Variants in MAST4 observed in about 807,000 individuals in gnomAD.
The protein encoded by MAST4 is microtubule-associated serine/threonine-protein kinase 4.
A neutral mutation model predicts 162.7 loss-of-function variants in MAST4; 89 were observed. The observed-to-expected ratio is 0.55, with a 90% CI of 0.46 to 0.65. MAST4 has a LOEUF of 0.65. MAST4 is among the 30% of genes least tolerant of loss of function. MAST4 has a pLI of 0.00. For missense variants in MAST4, 3,153 were observed against 3,374.0 expected (o/e 0.93, Z 1.62); for synonymous variants, 1,479 against 1,361.1 (o/e 1.09, Z -1.91).
At chr5:66,922,431 C>T (rs762649875) in intron 4 of MAST4, among the ~76,000 whole-genome samples, 1 of 152,160 alleles carries the variant, frequency 6.6e-6, no homozygotes. Flanking sequence ...CAGGTTAACT[C>T]ATGTCAAAGG....
intron 1 of MAST4, among the ~76,000 whole-genome samples, chr5:66,678,023 A>G (rs1378428738): frequency 6.6e-6 from 1 of 152,184 alleles, no homozygotes; most frequent in Non-Finnish European, 1.5e-5. Context: ...TTCTATAGGA[A>G]TTGGAAGCAT....
At chr5:66,795,458 A>G (rs1005774210) in intron 3 of MAST4, among the ~76,000 whole-genome samples, 3 of 152,220 alleles carry the variant, frequency 2.0e-5, no homozygotes, top group South Asian at 2.1e-4. Context: ...GACATTCTCC[A>G]TAGCTCTTGC....
At chr5:66,833,418 T>A (rs1223130219) in intron 3 of MAST4, among the ~76,000 whole-genome samples, 2 of 152,188 alleles carry the variant, frequency 1.3e-5, no homozygotes, top group South Asian at 2.1e-4. Flanking sequence ...ATCCTGCTTT[T>A]TAGCCCAGAG....
intron 3 of MAST4, among the ~76,000 whole-genome samples, chr5:66,807,484 CAG>C (rs1294189961): frequency 6.9e-6 from 1 of 145,506 alleles, no homozygotes; most frequent in Non-Finnish European, 1.5e-5. Flanking sequence ...GCCTGGGCGA[CAG>C]AGCGAGACTC....
At chr5:66,622,651 C>T (rs75121202) in intron 1 of MAST4, among the ~76,000 whole-genome samples, 15,485 of 152,070 alleles carry the variant, frequency 0.1, 1,040 homozygotes, top group Middle Eastern at 0.16. Flanking sequence ...AGCAAACAGG[C>T]TCAGGATGTG....
chr5:66,831,236 G>A (rs904819946), intron 3 of MAST4, among the ~76,000 whole-genome samples: 1 of 152,106 alleles, frequency 6.6e-6, no homozygotes, highest in African/African-American at 2.4e-5. Context: ...GTCTGAATTT[G>A]TCCTTAAGTT....
At chr5:66,723,567 G>C (rs909626872) in intron 1 of MAST4, among the ~76,000 whole-genome samples, 4 of 151,974 alleles carry the variant, frequency 2.6e-5, no homozygotes, top group Non-Finnish European at 4.4e-5. Context: ...TTTTATTTTT[G>C]ATCACATATC....
chr5:66,803,369 T>C (rs1756016866), intron 3 of MAST4, among the ~76,000 whole-genome samples: 1 of 152,206 alleles, frequency 6.6e-6, no homozygotes. Context: ...TGGCTGTTTT[T>C]GGCAGGTTTA....
chr5:66,618,257 G>T (rs1003968625), intron 1 of MAST4, among the ~76,000 whole-genome samples: 4 of 152,222 alleles, frequency 2.6e-5, no homozygotes, highest in Admixed American at 2.6e-4. Flanking sequence ...GTCTGAGGGT[G>T]CAGGGTAGTA....
chr5:66,875,815 C>T (rs1279349637), intron 3 of MAST4, among the ~76,000 whole-genome samples: 3 of 152,178 alleles, frequency 2.0e-5, no homozygotes, highest in Non-Finnish European at 4.4e-5. Context: ...GGCTGGAGTG[C>T]GGTAGCACAG....
intron 3 of MAST4, among the ~76,000 whole-genome samples, chr5:66,856,970 CAG>C (rs1389385409): frequency 6.6e-6 from 1 of 152,106 alleles, no homozygotes; most frequent in Non-Finnish European, 1.5e-5. Flanking sequence ...CATTTTTCTT[CAG>C]AGAGTACTCT....
intron 3 of MAST4, among the ~76,000 whole-genome samples, chr5:66,843,757 G>C (rs1375036285): frequency 6.6e-6 from 1 of 152,088 alleles, no homozygotes; most frequent in Non-Finnish European, 1.5e-5. Context: ...GTAATTTCTA[G>C]GTAGGGTCAA....
chr5:66,649,006 T>G (rs1561237115), intron 1 of MAST4, among the ~76,000 whole-genome samples: 1 of 152,176 alleles, frequency 6.6e-6, no homozygotes, highest in Non-Finnish European at 1.5e-5. Context: ...TTCAGAAGTA[T>G]AAGTAATAGG....
At chr5:66,639,804 A>G (rs1159182071) in intron 1 of MAST4, among the ~76,000 whole-genome samples, 1 of 152,122 alleles carries the variant, frequency 6.6e-6, no homozygotes, top group African/African-American at 2.4e-5. Context: ...ATCAGTATGA[A>G]TTCATGATTT....
At chr5:66,759,634 G>A (rs764489623) in intron 1 of MAST4, 75 bp from the exon 2 acceptor site, 9 of 1,523,622 alleles carry the variant, frequency 5.9e-6, no homozygotes, top group Middle Eastern at 3.5e-4. Context: ...GGAAGAAAAA[G>A]TGTGAATGAT....
At chr5:66,916,040 C>T (rs569780536) in intron 4 of MAST4, among the ~76,000 whole-genome samples, 1 of 152,218 alleles carries the variant, frequency 6.6e-6, no homozygotes, top group Non-Finnish European at 1.5e-5. Context: ...TGCGGCTAGG[C>T]CAAACAGATC....
At chr5:66,704,829 C>T (rs961391627) in intron 1 of MAST4, among the ~76,000 whole-genome samples, 9 of 152,158 alleles carry the variant, frequency 5.9e-5, no homozygotes, top group African/African-American at 1.7e-4. Context: ...GTTCTTGCTC[C>T]TTCACTTTCC....
intron 4 of MAST4, among the ~76,000 whole-genome samples, chr5:66,926,890 G>A (rs928259677): frequency 7.2e-5 from 11 of 152,166 alleles, no homozygotes; most frequent in African/African-American, 2.7e-4. Context: ...ATTTACATCA[G>A]TGGTTACGTC....
intron 1 of MAST4, among the ~76,000 whole-genome samples, chr5:66,649,043 A>G (rs934150363): frequency 2.0e-5 from 3 of 152,196 alleles, no homozygotes; most frequent in African/African-American, 7.2e-5. Flanking sequence ...CAAAAAGTAT[A>G]TAAAGAATGT....
Sources: gnomAD v4.1 joint callset for allele counts (sites outside exome capture counted in the v4.1 genomes callset) on GRCh38, gnomAD v4.1.1 for gene constraint, MANE v1.5 for transcripts, NCBI Gene and HGNC (gene_info 2026-07-23, HGNC 2026-07-21) for gene names.